Variants in TANGO6 observed in about 807,000 individuals in gnomAD.
The protein encoded by TANGO6 is transport and golgi organization 6 homolog, also known as transport and Golgi organization protein 6 homolog.
A neutral mutation model predicts 114.2 loss-of-function variants in TANGO6; 90 were observed. The ratio of observed to expected loss-of-function variants is 0.79; its 90% CI spans 0.66 to 0.94. TANGO6 has a LOEUF of 0.94. Ranked by LOEUF, TANGO6 falls within the 40% of genes least tolerant of loss-of-function variation. The pLI, the probability that TANGO6 is intolerant of heterozygous loss-of-function variation, is 0.00. For missense variants in TANGO6, 1,274 were observed against 1,315.3 expected, an observed-to-expected ratio of 0.97 and a Z score of 0.49; for synonymous variants, 477 against 509.8, an observed-to-expected ratio of 0.94 and a Z score of 0.87.
intron 14 of TANGO6, among the ~76,000 whole-genome samples, chr16:68,936,581 C>T (rs950747353): frequency 2.0e-5 from 3 of 152,136 alleles, no homozygotes; most frequent in Non-Finnish European, 4.4e-5. Context: ...GTGATCCACC[C>T]GCCTCAGACT....
In TANGO6 at chr16:68,864,199, A is replaced by G. The variant is rs1310803422; in HGVS notation, c.852+1138A>G. Among the ~76,000 whole-genome samples, 3 of 152,030 alleles carry G rather than the reference A, an allele frequency of 2.0e-5. No individual in the cohort carries two copies. In the South Asian group the frequency reaches 6.2e-4, roughly 32 times the overall value. ...CAAAAAAAAAAAAAGTTTATCTGAAATGATTTAATTTGATGATATAGATGG... is the reference window on the plus strand; with the variant it reads ...CAAAAAAAAAAAAAGTTTATCTGAAGTGATTTAATTTGATGATATAGATGG... On this transcript the variant is annotated intron_variant, in intron 3 of 17. Transcript: ENST00000261778.
chr16:68,959,503 C>T (rs1313660096), intron 14 of TANGO6, among the ~76,000 whole-genome samples: 1 of 151,996 alleles, frequency 6.6e-6, no homozygotes, highest in Non-Finnish European at 1.5e-5. Flanking sequence ...AGGAGAATTG[C>T]TTGAACCTGG....
chr16:68,993,962 CTGTT>C (rs1277849685), intron 15 of TANGO6, among the ~76,000 whole-genome samples: 2 of 152,206 alleles, frequency 1.3e-5, no homozygotes, highest in African/African-American at 2.4e-5. Flanking sequence ...GAGAACCAAT[CTGTT>C]TGTCTTGTTG....
chr16:69,018,046 G>A (rs951608279), intron 15 of TANGO6, among the ~76,000 whole-genome samples: 10 of 151,262 alleles, frequency 6.6e-5, no homozygotes, highest in African/African-American at 2.2e-4. Flanking sequence ...GGGATTACAG[G>A]AGCCCATCAC....
At chr16:68,896,761 T>C (rs1017930006) in intron 7 of TANGO6, among the ~76,000 whole-genome samples, 2 of 152,198 alleles carry the variant, frequency 1.3e-5, no homozygotes, top group Non-Finnish European at 2.9e-5. Context: ...TTTAAGATAC[T>C]GTAGAAAGCA....
chr16:68,914,862 G>T (rs764155070), intron 11 of TANGO6, among the ~76,000 whole-genome samples: 1 of 149,116 alleles, frequency 6.7e-6, no homozygotes, highest in Non-Finnish European at 1.5e-5. Flanking sequence ...TCTCTTTACA[G>T]TTAACAGTTC....
intron 17 of TANGO6, among the ~76,000 whole-genome samples, chr16:69,067,058 G>A (rs1040815947): frequency 1.3e-4 from 20 of 152,106 alleles, no homozygotes; most frequent in African/African-American, 4.3e-4. Context: ...CACCATGCCC[G>A]ACTAATTCTA....
intron 15 of TANGO6, among the ~76,000 whole-genome samples, chr16:68,980,081 C>T (rs190417586): frequency 6.6e-6 from 1 of 151,536 alleles, no homozygotes; most frequent in Non-Finnish European, 1.5e-5. Context: ...CTCCTGACCT[C>T]GTGATCTGCC....
intron 15 of TANGO6, among the ~76,000 whole-genome samples, chr16:69,019,543 G>A (rs74856348): frequency 0.024 from 3,590 of 152,224 alleles, 72 homozygotes; most frequent in Non-Finnish European, 0.034. Flanking sequence ...AAACTTCTTC[G>A]TCCTCTTCCT....
Position 68,880,533 on chromosome 16 carries a change from G to A in TANGO6, c.1295-15G>A, listed in dbSNP as rs771633952. On this transcript the variant is annotated splice_polypyrimidine_tract_variant and intron_variant, in intron 6 of 17. Coordinates refer to ENST00000261778, the MANE Select transcript of TANGO6 (RefSeq NM_024562.2). The stretch of plus-strand genomic sequence containing the variant: ...AGGCACTAAATATGGGTAATTTTGT[G>A]TGTTTATTTTCTAGAGCTTTCAGAG... 3.7e-6 allele frequency: 6 copies of A among 1,604,182 alleles called. No individual in the cohort carries two copies. In the Admixed American group the frequency reaches 5.1e-5, roughly 14 times the overall value.
chr16:69,046,006 G>A (rs1384427259), intron 17 of TANGO6, among the ~76,000 whole-genome samples: 3 of 148,218 alleles, frequency 2.0e-5, no homozygotes, highest in Non-Finnish European at 4.4e-5. Context: ...AGAGGTTACA[G>A]TGAGCCGAGA....
chr16:69,009,608 G>A (rs1348432446), intron 15 of TANGO6, among the ~76,000 whole-genome samples: 7 of 152,132 alleles, frequency 4.6e-5, no homozygotes, highest in South Asian at 4.2e-4. Flanking sequence ...TGGCATTTTG[G>A]TAGGGATTGT....
intron 15 of TANGO6, among the ~76,000 whole-genome samples, chr16:68,993,615 A>G (rs1440116504): frequency 1.3e-5 from 2 of 152,226 alleles, no homozygotes; most frequent in Non-Finnish European, 2.9e-5. Flanking sequence ...TTAAACATGA[A>G]GTTATAGTCT....
intron 1 of TANGO6, among the ~76,000 whole-genome samples, chr16:68,856,926 G>A (rs902336155): frequency 3.3e-5 from 5 of 152,062 alleles, no homozygotes; most frequent in East Asian, 1.9e-4. Flanking sequence ...TGGCTAACAC[G>A]GTGAAACCCC....
At chr16:69,032,600 C>G (rs549890503) in intron 16 of TANGO6, among the ~76,000 whole-genome samples, 1 of 151,980 alleles carries the variant, frequency 6.6e-6, no homozygotes, top group Non-Finnish European at 1.5e-5. Context: ...TACTGTTGGC[C>G]GGGCATGGTG....
chr16:68,875,613 T>A (rs1441642123), intron 5 of TANGO6, among the ~76,000 whole-genome samples: 2 of 151,816 alleles, frequency 1.3e-5, no homozygotes, highest in Non-Finnish European at 2.9e-5. Flanking sequence ...CTAAAAAAAA[T>A]ACAAAATTAG....
intron 15 of TANGO6, among the ~76,000 whole-genome samples, 164 bp downstream of exon 15, chr16:68,974,332 T>A (rs1454984667): frequency 6.6e-6 from 1 of 152,210 alleles, no homozygotes; most frequent in Non-Finnish European, 1.5e-5. Context: ...ATGTCTACTA[T>A]GAGACTGAAA....
chr16:69,021,363 C>G (rs181834103), intron 15 of TANGO6, among the ~76,000 whole-genome samples: 22 of 152,292 alleles, frequency 1.4e-4, no homozygotes, highest in Admixed American at 9.2e-4. Context: ...ACCTTCCAGT[C>G]TTTGTTTAAA....
chr16:69,060,759 C>T (rs538993615), intron 17 of TANGO6, among the ~76,000 whole-genome samples: 4 of 151,916 alleles, frequency 2.6e-5, no homozygotes, highest in East Asian at 1.9e-4. Context: ...TTTGGGAGGC[C>T]GAGGCGGGAG....
Sources: gnomAD v4.1 joint callset for allele counts (sites outside exome capture counted in the v4.1 genomes callset) on GRCh38, gnomAD v4.1.1 for gene constraint, MANE v1.5 for transcripts, NCBI Gene and HGNC (gene_info 2026-07-23, HGNC 2026-07-21) for gene names.